Variants in PIAS3 observed in about 807,000 individuals in gnomAD.
The protein encoded by PIAS3 is protein inhibitor of activated STAT 3, also known as E3 SUMO-protein ligase PIAS3.
PIAS3 carries 34 observed loss-of-function variants against 67.6 expected under a neutral mutation model. The ratio of observed to expected loss-of-function variants is 0.50; its 90% CI spans 0.38 to 0.67. PIAS3 has a LOEUF of 0.67. Among genes scored for constraint, PIAS3 ranks in the 30% least tolerant of loss-of-function variants. The pLI, the probability that PIAS3 is intolerant of heterozygous loss-of-function variation, is 0.00. For synonymous variants in PIAS3, 341 were observed against 313.8 expected, an observed-to-expected ratio of 1.09 and a Z score of -0.92; for missense variants, 693 against 791.6, an observed-to-expected ratio of 0.88 and a Z score of 1.49.
intron 7 of PIAS3, chr1:145,854,170 C>G: frequency 1.7e-6 from 1 of 593,724 alleles, no homozygotes; most frequent in Middle Eastern, 4.5e-4. Flanking sequence ...ATTAGAGGAC[C>G]CCTAAGATTC....
rs200360416 is a variant in PIAS3, at chr1:145,849,615, A to G, written c.1718T>C (p.Leu573Pro). ...RGTPSHFLGP[L>P]APTLGSSHCS... is the part of the protein sequence containing the mutation. Reference sequence around the variant, plus strand: ...GTGGGAGCTCCCCAGCGTGGGGGCCAGTGGGCCCAGAAAGTGAGAAGGGGT... The same window carrying G: ...GTGGGAGCTCCCCAGCGTGGGGGCCGGTGGGCCCAGAAAGTGAGAAGGGGT... Residue 573 changes from leucine to proline, a missense_variant, in exon 14 of 14, where the codon CTG (leucine) becomes CCG (proline). Around this residue, in one of 3 missense-constraint regions of PIAS3, gnomAD observed 270 missense variants for 261.0 expected, o/e 1.03. Coordinates refer to ENST00000393045, the MANE Select transcript of PIAS3 (RefSeq NM_006099.3). The G allele has an allele frequency of 1.5e-4, 237 of 1,613,316 alleles. No homozygotes were observed. The highest frequency in any genetic ancestry group is 1.9e-4 in the Non-Finnish European group (219 of 1,179,700).
intron 5 of PIAS3, among the ~76,000 whole-genome samples, chr1:145,855,451 C>T (rs1205327056): frequency 1.3e-5 from 2 of 150,700 alleles, no homozygotes; most frequent in Non-Finnish European, 1.5e-5. Flanking sequence ...CATTGCACTC[C>T]AGCCTGAGTG....
In PIAS3 at chr1:145,850,841, C is replaced by A; in HGVS notation, c.1378G>T (p.Asp460Tyr). The A allele has an allele frequency of 6.2e-7, 1 of 1,614,206 alleles. No individual in the cohort carries two copies. Among genetic ancestry groups the A allele is most frequent in the Non-Finnish European group, 8.5e-7 (1 of 1,180,028 alleles). The change falls in exon 11 of 14, where the codon GAT (aspartate) becomes TAT (tyrosine). Residue 460 changes from aspartate (D) to tyrosine (Y), a missense_variant. Coordinates refer to ENST00000393045, the MANE Select transcript of PIAS3 (RefSeq NM_006099.3). ...CAGTGCTTCTTGGTAGGGGGCAGAT[C>A]CTCCTCATCTGATGAGCTTTCTATT... ...LTIESSSDEE[D>Y]LPPTKKHCSV... is the part of the protein sequence containing the mutation.
chr1:145,856,293 G>C (rs587606648), intron 3 of PIAS3, 54 bp downstream of exon 3: 2 of 1,468,976 alleles, frequency 1.4e-6, no homozygotes, highest in Non-Finnish European at 1.9e-6. Flanking sequence ...CAGAAGAGAA[G>C]AAAGTCAGAA....
rs782639620 is a variant in PIAS3, at chr1:145,856,726, G to T, written c.305C>A (p.Ala102Asp). The T allele has an allele frequency of 2.5e-6, 4 of 1,613,728 alleles. No homozygotes were observed. In the Admixed American group the frequency reaches 6.7e-5, roughly 27 times the overall value. ...PLAPIPPTLL[A>D]PGTLLGPKRE... ...CTTGGGGCCCAGCAGGGTGCCAGGG[G>T]CCAACAGCGTTGGGGGAATGGGAGC... Residue 102 changes from alanine (A) to aspartate (D), a missense_variant, in exon 2 of 14, where the codon GCC (alanine) becomes GAC (aspartate). By Grantham distance (126) the Ala-to-Asp change is moderately radical. Transcript: ENST00000393045.
Position 145,849,645 on chromosome 1 carries a change from C to T in PIAS3, c.1688G>A (p.Arg563Gln), listed in dbSNP as rs1205643421. The T allele has an allele frequency of 3.7e-6, 6 of 1,613,014 alleles. No homozygotes were observed. The highest frequency in any genetic ancestry group is 1.6e-4 in the Middle Eastern group (1 of 6,076). ...GCCCAGAAAGTGAGAAGGGGTCCCT[C>T]GGTACTGGAAGAAGTGGCCAAGGGC... ...QDALGHFFQYRGTPSHFLGPL... is the reference protein window; with the variant it reads ...QDALGHFFQYQGTPSHFLGPL... The change falls in exon 14 of 14, where the codon CGA (arginine) becomes CAA (glutamine). Residue 563 changes from arginine (R) to glutamine (Q), a missense_variant. Transcript: ENST00000393045.
In PIAS3 at chr1:145,850,579, T is replaced by TCAG. The variant is rs1553734007; in HGVS notation, c.1453_1455dup (p.Leu485dup). 6.2e-7 allele frequency: 1 copy of TCAG among 1,614,088 alleles called. No individual in the cohort carries two copies. The highest frequency in any genetic ancestry group is 2.2e-5 in the East Asian group (1 of 44,878). ...ACCGAGGATGGCTGGTGGCCAGATGTCAGGACTCTGTGGGTAGAGAGGAGC... is the reference window on the plus strand; with the variant it reads ...ACCGAGGATGGCTGGTGGCCAGATGTCAGCAGGACTCTGTGGGTAGAGAGGAGC... On this transcript the variant is annotated inframe_insertion, in exon 12 of 14. Coordinates refer to ENST00000393045, the MANE Select transcript of PIAS3 (RefSeq NM_006099.3).
chr1:145,853,037 G>T (rs1312421007), intron 9 of PIAS3, among the ~76,000 whole-genome samples: 1 of 152,060 alleles, frequency 6.6e-6, no homozygotes, highest in Non-Finnish European at 1.5e-5. Context: ...GATAGATAAG[G>T]TGAGAATTGC....
In PIAS3 at chr1:145,856,683, G is replaced by C. The variant is rs782375327; in HGVS notation, c.348C>G (p.His116Gln). Residue 116 changes from histidine to glutamine, a missense_variant, in exon 2 of 14, where the codon CAC (histidine) becomes CAG (glutamine). His to Gln is a conservative substitution (Grantham distance 24). This residue lies in a region of PIAS3 where 308 missense variants were observed against 348.8 expected (regional missense o/e 0.88). Transcript: ENST00000393045. ...GGTGCACAGGCTGGGGCAGAGGGGG[G>C]TGCATGTCCACCTCACGCTTGGGGC... ...LLGPKREVDMHPPLPQPVHPD... is the reference protein window; with the variant it reads ...LLGPKREVDMQPPLPQPVHPD... 9 of 1,609,928 alleles carry C rather than the reference G, an allele frequency of 5.6e-6. No individual in the cohort carries two copies. The highest frequency in any genetic ancestry group is 3.3e-5 in the South Asian group (3 of 90,892).
At chr1:145,853,729 C>T (rs1653053445) in intron 8 of PIAS3, 65 bp from the exon 9 acceptor site, 2 of 1,607,682 alleles carry the variant, frequency 1.2e-6, no homozygotes, top group Admixed American at 1.7e-5. Flanking sequence ...AACTTCACGC[C>T]AGTATCCCTA....
At chr1:145,857,098 T>A in intron 1 of PIAS3, 92 bp from the exon 2 acceptor site, 1 of 1,094,090 alleles carries the variant, frequency 9.1e-7, no homozygotes, top group Admixed American at 2.0e-5. Flanking sequence ...GGCAGTGCCT[T>A]TCTCTCCAGC....
chr1:145,850,480 C>G lies in PIAS3; in HGVS notation c.1555G>C (p.Ala519Pro). 1.2e-5 allele frequency: 19 copies of G among 1,614,170 alleles called. No homozygotes were observed. Among genetic ancestry groups the G allele is most frequent in the Non-Finnish European group, 1.6e-5 (19 of 1,180,016 alleles). ...TGGATGTCGGCTCCCAGTGGGAAGGCAGGTGGGTACTCATGTAGTGGGAGA... is the reference window on the plus strand; with the variant it reads ...TGGATGTCGGCTCCCAGTGGGAAGGGAGGTGGGTACTCATGTAGTGGGAGA... ...SSLPLHEYPPAFPLGADIQGL... is the reference protein window; with the variant it reads ...SSLPLHEYPPPFPLGADIQGL... Residue 519 changes from alanine to proline, a missense_variant, in exon 12 of 14, where the codon GCC (alanine) becomes CCC (proline). Ala to Pro is a conservative substitution (Grantham distance 27). Transcript: ENST00000393045.
At position 145,856,583 on chromosome 1, in the gene PIAS3, C is replaced by T; in HGVS notation, c.442+6G>A. The T allele has an allele frequency of 6.4e-7, 1 of 1,570,306 alleles. No homozygotes were observed. Among genetic ancestry groups the T allele is most frequent in the South Asian group, 1.2e-5 (1 of 83,260 alleles). ...CAGAAGACTAAGGGACCACAAAGAG[C>T]CATACCAAGGGTGGTGGGCCGGATG... On this transcript the variant is annotated splice_donor_region_variant and intron_variant, in intron 2 of 13. Transcript: ENST00000393045.
At chr1:145,856,199 CA>C (rs1246718941) in intron 3 of PIAS3, 81 bp from the exon 4 acceptor site, 45 of 1,344,862 alleles carry the variant, frequency 3.3e-5, no homozygotes, top group Middle Eastern at 1.8e-4. Flanking sequence ...GGCTGAAAGT[CA>C]GATGTCCAGG....
intron 9 of PIAS3, among the ~76,000 whole-genome samples, chr1:145,852,259 A>AAAAC (rs1347118726): frequency 9.9e-5 from 15 of 152,180 alleles, no homozygotes; most frequent in Non-Finnish European, 1.8e-4. Flanking sequence ...CCCTGTCTCA[A>AAAAC]AAACAAACAA....
chr1:145,849,665 A>G lies in PIAS3; in HGVS notation c.1668T>C (p.Leu556=), dbSNP rs782116611. The G allele has an allele frequency of 3.3e-5, 53 of 1,612,420 alleles. No homozygotes were observed. The Middle Eastern group carries it at 1.5e-3, about 45-fold the overall frequency. ...TCCCTCGGTACTGGAAGAAGTGGCC[A>G]AGGGCATCCTGTTCATCTAGTGAGG... The part of the protein sequence containing the change: ...VITSLDEQDA[L]GHFFQYRGTP... Residue 556 remains leucine (L), a synonymous_variant, in exon 14 of 14, where the codon CTT becomes CTC. Transcript: ENST00000393045.
At position 145,849,285 on chromosome 1, in the gene PIAS3, C is replaced by T; in HGVS notation, c.*161G>A. 2 of 575,008 alleles carry T rather than the reference C, an allele frequency of 3.5e-6. No individual in the cohort carries two copies. Among genetic ancestry groups the T allele is most frequent in the Non-Finnish European group, 5.5e-6 (2 of 360,398 alleles). The allele number at this position is 575,008 out of a possible 1,614,324, so 35.6% of individuals were successfully genotyped here. A position where few individuals can be genotyped will look rare whatever the true frequency, so the allele number is the denominator to read the frequency against. On this transcript the variant is annotated 3_prime_UTR_variant, in exon 14 of 14. Transcript: ENST00000393045. ...AGGTTAAATATTAACCCTTTGGGTG[C>T]TGGCCTTGTCAGGCAGAGATGAGGC...
rs1224318327 is a variant in PIAS3, at chr1:145,848,662, T to C, written c.*784A>G. On this transcript the variant is annotated 3_prime_UTR_variant, in exon 14 of 14. Transcript: ENST00000393045. ...AGGGCACAGGGTCCTTCCACCTCCCTGGAAAGGTGCAGAATGAGCCAGGCC... is the reference window on the plus strand; with the variant it reads ...AGGGCACAGGGTCCTTCCACCTCCCCGGAAAGGTGCAGAATGAGCCAGGCC... 1 of 583,582 alleles carries C rather than the reference T, an allele frequency of 1.7e-6. No homozygotes were observed. The highest frequency in any genetic ancestry group is 3.0e-6 in the Non-Finnish European group (1 of 329,550). 36.2% of individuals were successfully genotyped at this position (583,582 alleles called of 1,614,324 possible). A position where few individuals can be genotyped will look rare whatever the true frequency, so the allele number is the denominator to read the frequency against.
chr1:145,849,960 C>T (rs1652887657), intron 13 of PIAS3: 3 of 1,419,910 alleles, frequency 2.1e-6, no homozygotes, highest in Non-Finnish European at 2.7e-6. Flanking sequence ...GTGGAATGTC[C>T]GGTTAGAGCA....
Sources: gnomAD v4.1 joint callset for allele counts (sites outside exome capture counted in the v4.1 genomes callset) on GRCh38, gnomAD v4.1.1 for gene constraint, gnomAD v4.1.1 regional missense constraint, MANE v1.5 for transcripts, NCBI Gene and HGNC (gene_info 2026-07-23, HGNC 2026-07-21) for gene names.